ARAP2: variants seen among roughly 807,000 people sequenced by gnomAD.
The protein encoded by ARAP2 is arf-GAP with Rho-GAP domain, ANK repeat and PH domain-containing protein 2.
In ARAP2, 148 loss-of-function variants were observed where a neutral mutation model predicts 194.5. The ratio of observed to expected loss-of-function variants is 0.76; its 90% CI spans 0.67 to 0.87. The LOEUF (loss-of-function observed/expected upper bound fraction) is 0.87, where lower values mean the gene tolerates loss of function less well. Among genes scored for constraint, ARAP2 ranks in the 40% least tolerant of loss-of-function variants. The pLI is 0.00. For synonymous variants in ARAP2, 695 were observed against 683.5 expected (o/e 1.02, Z -0.26); for missense variants, 2,128 against 1,989.7 (o/e 1.07, Z -1.32).
intron 9 of ARAP2, among the ~76,000 whole-genome samples, chr4:36,176,459 T>C (rs1341528985): frequency 6.6e-6 from 1 of 152,172 alleles, no homozygotes; most frequent in Non-Finnish European, 1.5e-5. Context: ...GACAGTTTAA[T>C]GTGAGCAATG....
At position 36,203,172 on chromosome 4, in the gene ARAP2, A is replaced by G. The variant is rs114800849; in HGVS notation, c.1487+7218T>C. 9.4e-3 allele frequency among the ~76,000 whole-genome samples: 1,431 copies of G among 152,308 alleles called. 16 individuals carry two copies. Among genetic ancestry groups the G allele is most frequent in the Non-Finnish European group, 0.014 (943 of 68,008 alleles). On this transcript the variant is annotated intron_variant, in intron 6 of 32. Transcript: ENST00000303965. ...AGTTTTATTCAATGGAGAGAATAAA[A>G]CAGGAGGTTTTGGGGCTGGGAGACT...
intron 6 of ARAP2, among the ~76,000 whole-genome samples, chr4:36,204,668 T>G (rs35547593): frequency 0.24 from 36,653 of 152,020 alleles, 4,985 homozygotes; most frequent in South Asian, 0.33. Flanking sequence ...GAGGAAGAAT[T>G]TTCAGATGAA....
chr4:36,104,737 C>T (rs919823723), intron 27 of ARAP2, among the ~76,000 whole-genome samples: 17 of 151,930 alleles, frequency 1.1e-4, no homozygotes, highest in African/African-American at 3.9e-4. Context: ...ATAAATCAAA[C>T]TCTAATTCAA....
intron 28 of ARAP2, among the ~76,000 whole-genome samples, chr4:36,086,171 C>T (rs561753725): frequency 3.3e-5 from 5 of 152,148 alleles, no homozygotes; most frequent in Non-Finnish European, 5.9e-5. Context: ...CAGTCCCAAC[C>T]GAGGCAGCAG....
intron 15 of ARAP2, among the ~76,000 whole-genome samples, chr4:36,151,480 C>A (rs1730957871): frequency 6.6e-6 from 1 of 152,170 alleles, no homozygotes; most frequent in African/African-American, 2.4e-5. Flanking sequence ...ATTTCAAATT[C>A]ATCTTATACT....
chr4:36,044,973 G>T lies in ARAP2; in HGVS notation n.607+1006C>A, dbSNP rs117595624. Among the ~76,000 whole-genome samples, 153 of 152,040 alleles carry T rather than the reference G, an allele frequency of 1.0e-3. 3 individuals are homozygous for T. The East Asian group carries it at 0.027, about 27-fold the overall frequency. ...AGTGCTCAACATCACTAATCATCAG[G>T]GGAATACAAAGTAAAACCACAACAA... On this transcript the variant is annotated intron_variant and non_coding_transcript_variant, in intron 5 of 12. Coordinates refer to the ARAP2 transcript ENST00000503225.
At chr4:36,145,122 T>C (rs780886449) in intron 19 of ARAP2, among the ~76,000 whole-genome samples, 8 of 151,860 alleles carry the variant, frequency 5.3e-5, no homozygotes, top group Non-Finnish European at 8.8e-5. Context: ...AGTTTGAAGA[T>C]TTCCCAAAGA....
At chr4:36,065,508 G>A, downstream of ARAP2, 1 of 301,648 alleles carries the variant, frequency 3.3e-6, no homozygotes, top group Non-Finnish European at 6.9e-6. Context: ...ACAGCATCTT[G>A]TCAATGCAGG....
At chr4:36,047,370 C>T (rs1337690392) in intron 3 of ARAP2, 1 of 152,198 alleles carries the variant, frequency 6.6e-6, no homozygotes, top group African/African-American at 2.4e-5. Context: ...GAGGTCTAAA[C>T]TCATTCTAGT....
intron 7 of ARAP2, among the ~76,000 whole-genome samples, chr4:36,189,812 T>C (rs4492027): frequency 0.65 from 98,396 of 152,038 alleles, 32,227 homozygotes; most frequent in East Asian, 0.92. Context: ...CAGTAGTCTA[T>C]GTAACTGTCT....
chr4:36,193,529 C>T, intron 7 of ARAP2, 49 bp downstream of exon 7: 1 of 1,282,742 alleles, frequency 7.8e-7, no homozygotes. Context: ...TTATTTTACT[C>T]TTCGTATGCA....
intron 1 of ARAP2, among the ~76,000 whole-genome samples, chr4:36,242,848 T>C (rs922957634): frequency 3.3e-5 from 5 of 152,200 alleles, no homozygotes; most frequent in Non-Finnish European, 7.4e-5. Flanking sequence ...TCTAGGTACA[T>C]TTTAATTCAA....
At chr4:36,236,997 G>A (rs936943784) in intron 1 of ARAP2, among the ~76,000 whole-genome samples, 9 of 152,174 alleles carry the variant, frequency 5.9e-5, no homozygotes, top group Admixed American at 2.0e-4. Flanking sequence ...TTTGATGTGC[G>A]TCCATGTACA....
intron 1 of ARAP2, among the ~76,000 whole-genome samples, chr4:36,236,821 G>A (rs540310173): frequency 6.6e-6 from 1 of 152,304 alleles, no homozygotes; most frequent in Non-Finnish European, 1.5e-5. Flanking sequence ...GACAGAAAAA[G>A]TGACTATGAC....
intron 8 of ARAP2, among the ~76,000 whole-genome samples, chr4:36,179,352 A>T (rs1326104829): frequency 1.3e-5 from 2 of 152,148 alleles, no homozygotes; most frequent in Non-Finnish European, 2.9e-5. Flanking sequence ...TCAGAATAAA[A>T]GGTAACGTGG....
chr4:36,081,598 G>T (rs1447451715), intron 30 of ARAP2, among the ~76,000 whole-genome samples: 1 of 152,094 alleles, frequency 6.6e-6, no homozygotes, highest in Non-Finnish European at 1.5e-5. Context: ...GAGAAACATG[G>T]TACAGCATAG....
intron 26 of ARAP2, 92 bp downstream of exon 26, chr4:36,114,078 G>T: frequency 1.1e-6 from 1 of 935,552 alleles, no homozygotes; most frequent in Non-Finnish European, 1.7e-6. Flanking sequence ...ATAACAAGAT[G>T]TTAAGACATA....
chr4:36,158,471 C>G lies in ARAP2; in HGVS notation c.2752+259G>C, dbSNP rs575430662. 9.2e-5 allele frequency among the ~76,000 whole-genome samples: 14 copies of G among 152,220 alleles called. No individual in the cohort carries two copies. In the South Asian group the frequency reaches 2.7e-3, roughly 29 times the overall value. On this transcript the variant is annotated intron_variant, in intron 15 of 32. Transcript: ENST00000303965. ...AGTTATAAAGGAATAACCTTTATAACTTGAAACAGAATTGGTTAGCCTTAA... is the reference window on the plus strand; with the variant it reads ...AGTTATAAAGGAATAACCTTTATAAGTTGAAACAGAATTGGTTAGCCTTAA...
At chr4:36,133,554 C>T (rs2109616600) in intron 19 of ARAP2, among the ~76,000 whole-genome samples, 165 bp from the exon 20 acceptor site, 1 of 151,902 alleles carries the variant, frequency 6.6e-6, no homozygotes, top group Middle Eastern at 3.4e-3. Context: ...TGCATAGTCA[C>T]ATCACTCCAT....
Sources: gnomAD v4.1 joint callset for allele counts (sites outside exome capture counted in the v4.1 genomes callset) on GRCh38, gnomAD v4.1.1 for gene constraint, MANE v1.5 for transcripts, NCBI Gene and HGNC (gene_info 2026-07-23, HGNC 2026-07-21) for gene names.